CRB1: variants seen among roughly 807,000 people sequenced by gnomAD.
CRB1 encodes the protein protein crumbs homolog 1.
In CRB1, 83 loss-of-function variants were observed where a neutral mutation model predicts 120.0. The observed-to-expected ratio is 0.69, with a 90% confidence interval of 0.58 to 0.83. The LOEUF (loss-of-function observed/expected upper bound fraction) is 0.83. Ranked by LOEUF, CRB1 falls within the 40% of genes least tolerant of loss-of-function variation. The pLI, the probability that CRB1 is intolerant of heterozygous loss-of-function variation, is 0.00. For synonymous variants in CRB1, 625 were observed against 612.5 expected (o/e 1.02, Z -0.30); for missense variants, 1,699 against 1,687.6 (o/e 1.01, Z -0.12).
chr1:197,389,400 T>G (rs1662381386), intron 5 of CRB1, among the ~76,000 whole-genome samples: 1 of 152,138 alleles, frequency 6.6e-6, no homozygotes, highest in Non-Finnish European at 1.5e-5. Context: ...ACAACATAGA[T>G]GAACCTTGAG....
At chr1:197,353,824 A>G in intron 4 of CRB1, among the ~76,000 whole-genome samples, 1 of 150,974 alleles carries the variant, frequency 6.6e-6, no homozygotes. Flanking sequence ...TAAAAAAAAA[A>G]AAAAAAAAAA....
intron 5 of CRB1, among the ~76,000 whole-genome samples, chr1:197,415,153 C>G (rs1340660564): frequency 2.1e-4 from 32 of 152,114 alleles, no homozygotes; most frequent in Admixed American, 2.1e-3. Context: ...GTATAGAAAG[C>G]ATGACCATCT....
intron 11 of CRB1, among the ~76,000 whole-genome samples, chr1:197,459,399 A>G (rs962769949): frequency 6.6e-6 from 1 of 152,102 alleles, no homozygotes; most frequent in African/African-American, 2.4e-5. Flanking sequence ...TAAACAACAG[A>G]AGGGTATTAG....
chr1:197,468,431 A>G (rs1322198746), intron 11 of CRB1, among the ~76,000 whole-genome samples: 1 of 151,918 alleles, frequency 6.6e-6, no homozygotes, highest in African/African-American at 2.4e-5. Context: ...TTGTTGAGTA[A>G]GTGAATGAAA....
intron 5 of CRB1, among the ~76,000 whole-genome samples, chr1:197,403,205 A>G (rs1233030951): frequency 2.0e-5 from 3 of 152,210 alleles, no homozygotes; most frequent in Non-Finnish European, 4.4e-5. Context: ...AGATACTCAA[A>G]CACACAACAT....
chr1:197,373,515 A>G (rs1661484272), intron 5 of CRB1, among the ~76,000 whole-genome samples: 1 of 152,178 alleles, frequency 6.6e-6, no homozygotes, highest in Non-Finnish European at 1.5e-5. Context: ...TTTCAAAATA[A>G]GTTTACATAA....
rs746028222 is a variant in CRB1, at chr1:197,429,457, C to T, written c.2685C>T (p.Pro895=). 1.9e-6 allele frequency: 3 copies of T among 1,613,896 alleles called. No homozygotes were observed. Among genetic ancestry groups the T allele is most frequent in the African/African-American group, 2.7e-5 (2 of 74,890 alleles). ...ATTTCTTTTCTGCTCAGTCCAACCC[C>T]TGTCACAATGGAGGTGTTTGCCATT... ...CAGDNSCKSN[P]CHNGGVCHSR... The change falls in exon 8 of 12, where the codon CCC becomes CCT. Residue 895 remains proline (P), a synonymous_variant. Transcript: ENST00000367400.
At chr1:197,353,830 A>C (rs567881558) in intron 4 of CRB1, among the ~76,000 whole-genome samples, 109 of 151,086 alleles carry the variant, frequency 7.2e-4, no homozygotes, top group African/African-American at 2.5e-3. Context: ...AAAAAAAAAA[A>C]AAAAAAACTT....
chr1:197,228,486 C>G, the CRB1 span, among the ~76,000 whole-genome samples: 1 of 152,188 alleles, frequency 6.6e-6, no homozygotes, highest in Non-Finnish European at 1.5e-5. Flanking sequence ...CACCTTTACT[C>G]CAGTTTCCCA....
At chr1:197,220,647 G>A in the CRB1 span, among the ~76,000 whole-genome samples, 4 of 152,218 alleles carry the variant, frequency 2.6e-5, no homozygotes, top group African/African-American at 9.6e-5. Context: ...GTATTTCTTA[G>A]CATAATTATT....
chr1:197,324,363 G>A (rs1242485016), intron 1 of CRB1, among the ~76,000 whole-genome samples: 1 of 152,106 alleles, frequency 6.6e-6, no homozygotes, highest in African/African-American at 2.4e-5. Flanking sequence ...CACTCTGCTA[G>A]TCAATAGACA....
At chr1:197,246,039 G>A in the CRB1 span, among the ~76,000 whole-genome samples, 1 of 152,046 alleles carries the variant, frequency 6.6e-6, no homozygotes, top group African/African-American at 2.4e-5. Context: ...CTTCATAACT[G>A]TTGGGCGTGC....
chr1:197,409,621 G>T (rs919966437), intron 5 of CRB1, among the ~76,000 whole-genome samples: 3 of 151,976 alleles, frequency 2.0e-5, no homozygotes, highest in Non-Finnish European at 4.4e-5. Flanking sequence ...CTTATCTCAG[G>T]AGTCAGGCAG....
chr1:197,341,237 A>G (rs17617973), intron 2 of CRB1, among the ~76,000 whole-genome samples: 24,888 of 152,118 alleles, frequency 0.16, 2,301 homozygotes, highest in South Asian at 0.22. Flanking sequence ...AAGACATTCT[A>G]GACGGTATCA....
At chr1:197,365,097 T>C (rs1200256382) in intron 5 of CRB1, among the ~76,000 whole-genome samples, 2 of 152,242 alleles carry the variant, frequency 1.3e-5, no homozygotes, top group Non-Finnish European at 2.9e-5. Context: ...CAGTTTATTT[T>C]CTGATTCTTT....
At chr1:197,412,368 T>G (rs534891877) in intron 5 of CRB1, among the ~76,000 whole-genome samples, 1 of 152,366 alleles carries the variant, frequency 6.6e-6, no homozygotes, top group Non-Finnish European at 1.5e-5. Context: ...AATAATTGTT[T>G]CATAGGCTTT....
chr1:197,459,909 C>T (rs1666446208), intron 11 of CRB1, among the ~76,000 whole-genome samples: 1 of 150,598 alleles, frequency 6.6e-6, no homozygotes, highest in African/African-American at 2.4e-5. Flanking sequence ...CTTATTAAAT[C>T]CACAAAATCT....
At chr1:197,328,397 C>A (rs1341404237) in intron 1 of CRB1, 25 bp from the exon 2 acceptor site, 5 of 1,559,886 alleles carry the variant, frequency 3.2e-6, no homozygotes. Context: ...TAAATTTAAT[C>A]TTGTTACTTT....
chr1:197,429,046 C>T (rs757685803), intron 7 of CRB1: 12 of 1,492,884 alleles, frequency 8.0e-6, no homozygotes, highest in Middle Eastern at 3.4e-4. Flanking sequence ...TTCACTGTTT[C>T]GCTTCTGTGT....
Sources: gnomAD v4.1 joint callset for allele counts (sites outside exome capture counted in the v4.1 genomes callset) on GRCh38, gnomAD v4.1.1 for gene constraint, MANE v1.5 for transcripts, NCBI Gene and HGNC (gene_info 2026-07-23, HGNC 2026-07-21) for gene names.